MAD1L1: variants seen among roughly 807,000 people sequenced by gnomAD.
MAD1L1 encodes mitotic arrest deficient 1 like 1.
Under a neutral mutation model 96.9 loss-of-function variants are expected in MAD1L1, and 95 were observed. That is an observed-to-expected ratio of 0.98 (90% confidence interval 0.83 to 1.16). MAD1L1 has a LOEUF of 1.16. Ranked by LOEUF, MAD1L1 falls within the 50% of genes most tolerant of loss-of-function variation. The pLI is 0.00. For synonymous variants in MAD1L1, 473 were observed against 396.6 expected (o/e 1.19, Z -2.29); for missense variants, 1,007 against 954.4 (o/e 1.06, Z -0.73).
At chr7:2,008,368 A>G (rs565895664) in intron 13 of MAD1L1, among the ~76,000 whole-genome samples, 1 of 152,328 alleles carries the variant, frequency 6.6e-6, no homozygotes, top group East Asian at 1.9e-4. Flanking sequence ...AGTGCACTTT[A>G]GCACTGACTG....
intron 10 of MAD1L1, among the ~76,000 whole-genome samples, chr7:2,181,231 C>T (rs139915278): frequency 2.0e-5 from 3 of 152,222 alleles, no homozygotes; most frequent in Non-Finnish European, 4.4e-5. Context: ...GCATGTCTTC[C>T]GAATTTTGCG....
chr7:1,887,422 T>TGC (rs1449923867), intron 18 of MAD1L1, among the ~76,000 whole-genome samples: 1 of 150,058 alleles, frequency 6.7e-6, no homozygotes, highest in Non-Finnish European at 1.5e-5. Context: ...TGTGTGTGTG[T>TGC]GCATGCGTGC....
rs1179425851 is a variant in MAD1L1, at chr7:1,858,311, C to T, written c.1998+39889G>A. Among the ~76,000 whole-genome samples the T allele has an allele frequency of 6.6e-5, 10 of 152,164 alleles. No individual in the cohort carries two copies. The South Asian group carries it at 1.0e-3, about 16-fold the overall frequency. Reference sequence around the variant, plus strand: ...GGGCTGGCCAGTTGCACCCCAAGGCCGGACCCCAACTCCGTTCCTGGCCCA... The same window carrying T: ...GGGCTGGCCAGTTGCACCCCAAGGCTGGACCCCAACTCCGTTCCTGGCCCA... On this transcript the variant is annotated intron_variant, in intron 18 of 18. Transcript: ENST00000265854.
At position 1,968,030 on chromosome 7, in the gene MAD1L1, T is replaced by TA. The variant is rs1315799413; in HGVS notation, c.1506-10312dup. Among the ~76,000 whole-genome samples, 2 of 152,052 alleles carry TA rather than the reference T, an allele frequency of 1.3e-5. No individual in the cohort carries two copies. Among genetic ancestry groups the TA allele is most frequent in the African/African-American group, 4.8e-5 (2 of 41,374 alleles). ...TGCTGGTAATAAATGAAGAAGTGAA[T>TA]AAATGGGGAAGAGGAGACACCTCCC... On this transcript the variant is annotated intron_variant, in intron 15 of 18. Transcript: ENST00000265854. The surrounding 1 kb of genome is among the most constrained non-coding windows in gnomAD (Gnocchi z 5.6).
At position 2,054,856 on chromosome 7, in the gene MAD1L1, G is replaced by A. The variant is rs146660525; in HGVS notation, c.1218+14338C>T. 1.3e-4 allele frequency among the ~76,000 whole-genome samples: 20 copies of A among 152,346 alleles called. No individual in the cohort carries two copies. In the East Asian group the frequency reaches 3.1e-3, roughly 24 times the overall value. On this transcript the variant is annotated intron_variant, in intron 12 of 18. Coordinates refer to ENST00000265854, the MANE Select transcript of MAD1L1 (RefSeq NM_001013836.2). ...AACTTGAGCTGCGCTCGGCTGGGCCGTGCCCTCGCAGTGATGGGAGAGCGG... is the reference window on the plus strand; with the variant it reads ...AACTTGAGCTGCGCTCGGCTGGGCCATGCCCTCGCAGTGATGGGAGAGCGG...
intron 11 of MAD1L1, among the ~76,000 whole-genome samples, chr7:2,073,157 G>T (rs547367765): frequency 6.6e-6 from 1 of 152,326 alleles, no homozygotes; most frequent in East Asian, 1.9e-4. Flanking sequence ...CCGGCCCTCG[G>T]CCTGTAACAG....
At chr7:2,218,120 C>G (rs1793392085) in intron 6 of MAD1L1, 77 bp from the exon 7 acceptor site, 2 of 1,105,048 alleles carry the variant, frequency 1.8e-6, no homozygotes, top group Non-Finnish European at 2.8e-6. Flanking sequence ...CTGAGACCCG[C>G]CCCAGCACAG....
At chr7:2,085,863 G>A (rs1031616286) in intron 11 of MAD1L1, among the ~76,000 whole-genome samples, 5 of 152,174 alleles carry the variant, frequency 3.3e-5, no homozygotes, top group East Asian at 1.9e-4. Context: ...TCCAGTGACC[G>A]CCTAACCTCT....
intron 12 of MAD1L1, among the ~76,000 whole-genome samples, chr7:2,067,640 G>C (rs1053608767): frequency 6.6e-6 from 1 of 152,212 alleles, no homozygotes; most frequent in African/African-American, 2.4e-5. Context: ...GCAGTGGTCA[G>C]CCCGCGTGCT....
chr7:1,954,277 G>A (rs1253123790), intron 16 of MAD1L1, among the ~76,000 whole-genome samples: 3 of 152,202 alleles, frequency 2.0e-5, no homozygotes, highest in Non-Finnish European at 4.4e-5. Flanking sequence ...CTGCGGGAAA[G>A]GCCCGTGCCC....
At position 2,114,410 on chromosome 7, in the gene MAD1L1, C is replaced by T. The variant is rs948515072; in HGVS notation, c.1073+34742G>A. ...CCCAGCCGGGGCCAACACCAGAGGA[C>T]GCCATCCTCCTTAAGGCCACAAAGT... On this transcript the variant is annotated intron_variant, in intron 11 of 18. Coordinates refer to ENST00000265854, the MANE Select transcript of MAD1L1 (RefSeq NM_001013836.2). The surrounding 1 kb of genome is among the most constrained non-coding windows in gnomAD (Gnocchi z 4.2). 4.6e-5 allele frequency among the ~76,000 whole-genome samples: 7 copies of T among 152,200 alleles called. No individual in the cohort carries two copies. The highest frequency in any genetic ancestry group is 8.8e-5 in the Non-Finnish European group (6 of 68,046).
intron 13 of MAD1L1, among the ~76,000 whole-genome samples, chr7:2,012,666 G>A (rs919902242): frequency 5.9e-5 from 9 of 152,168 alleles, no homozygotes; most frequent in South Asian, 2.1e-4. Flanking sequence ...CCTGAGGGTG[G>A]TCTCACACCC....
chr7:2,126,277 G>A (rs950156067), intron 11 of MAD1L1, among the ~76,000 whole-genome samples: 4 of 152,238 alleles, frequency 2.6e-5, no homozygotes, highest in Non-Finnish European at 4.4e-5. Context: ...TGCAACCCTC[G>A]GAGGGCCCCA....
intron 10 of MAD1L1, among the ~76,000 whole-genome samples, chr7:2,196,001 C>T (rs1019055702): frequency 1.3e-5 from 2 of 152,228 alleles, no homozygotes; most frequent in Non-Finnish European, 2.9e-5. Flanking sequence ...CTGATCAGCT[C>T]ACAAAAATGC....
At chr7:2,083,465 G>A (rs1785754703) in intron 11 of MAD1L1, among the ~76,000 whole-genome samples, 1 of 152,256 alleles carries the variant, frequency 6.6e-6, no homozygotes, top group South Asian at 2.1e-4. Context: ...ACACAGCACG[G>A]AGAGGAGGTG....
intron 16 of MAD1L1, among the ~76,000 whole-genome samples, chr7:1,951,325 G>A (rs957886260): frequency 3.3e-5 from 5 of 152,236 alleles, no homozygotes; most frequent in Non-Finnish European, 7.3e-5. Flanking sequence ...GAAGGACAGA[G>A]GCCGTGTGAG....
intron 18 of MAD1L1, among the ~76,000 whole-genome samples, chr7:1,890,053 T>G (rs1215689506): frequency 2.6e-5 from 4 of 152,200 alleles, no homozygotes; most frequent in South Asian, 2.1e-4. Flanking sequence ...TCCTGGCCCC[T>G]CTCTATGGCA....
intron 11 of MAD1L1, among the ~76,000 whole-genome samples, chr7:2,120,741 A>C (rs965820618): frequency 6.6e-6 from 1 of 152,260 alleles, no homozygotes; most frequent in African/African-American, 2.4e-5. Context: ...GTATATGCCA[A>C]GAAAGACAGG....
chr7:2,076,463 C>T (rs533647180), intron 11 of MAD1L1, among the ~76,000 whole-genome samples: 6 of 152,360 alleles, frequency 3.9e-5, no homozygotes. Flanking sequence ...CTCCTCAGCT[C>T]CACAGCTGTG....
Sources: gnomAD v4.1 joint callset for allele counts (sites outside exome capture counted in the v4.1 genomes callset) on GRCh38, gnomAD v4.1.1 for gene constraint, Gnocchi (gnomAD v3.1) non-coding constraint, MANE v1.5 for transcripts, NCBI Gene and HGNC (gene_info 2026-07-23, HGNC 2026-07-21) for gene names.